PTPRO: variants seen among roughly 807,000 people sequenced by gnomAD.
PTPRO encodes receptor-type tyrosine-protein phosphatase O.
Under a neutral mutation model 145.2 loss-of-function variants are expected in PTPRO, and 62 were observed. The observed-to-expected ratio is 0.43, with a 90% CI of 0.35 to 0.53. The LOEUF (loss-of-function observed/expected upper bound fraction) is 0.53. PTPRO is among the 20% of genes least tolerant of loss of function. The pLI, the probability that PTPRO is intolerant of heterozygous loss-of-function variation, is 0.01. For synonymous variants in PTPRO, 565 were observed against 514.7 expected (o/e 1.10, Z -1.32); for missense variants, 1,345 against 1,482.7 (o/e 0.91, Z 1.53).
At chr12:15,570,513 A>G (rs2135610309) in intron 19 of PTPRO, among the ~76,000 whole-genome samples, 1 of 152,290 alleles carries the variant, frequency 6.6e-6, no homozygotes, top group Admixed American at 6.5e-5. Flanking sequence ...ATACATTACC[A>G]AATACAAAGA....
chr12:15,546,490 G>A (rs1385804647), intron 12 of PTPRO, 79 bp from the exon 13 acceptor site: 1 of 1,541,986 alleles, frequency 6.5e-7, no homozygotes, highest in Non-Finnish European at 8.8e-7. Flanking sequence ...ATTGGGGGAT[G>A]CTTCACCTGC....
chr12:15,562,869 C>T (rs1266116072), intron 17 of PTPRO, among the ~76,000 whole-genome samples: 1 of 151,794 alleles, frequency 6.6e-6, no homozygotes, highest in Non-Finnish European at 1.5e-5. Context: ...CTCAGCTTTA[C>T]TCCTGATGAT....
chr12:15,489,734 C>G (rs1350514982), intron 2 of PTPRO, among the ~76,000 whole-genome samples: 1 of 152,146 alleles, frequency 6.6e-6, no homozygotes. Flanking sequence ...TTTACCCAGT[C>G]CCTATTCATG....
At chr12:15,446,983 C>T (rs1940918085) in intron 1 of PTPRO, among the ~76,000 whole-genome samples, 1 of 152,114 alleles carries the variant, frequency 6.6e-6, no homozygotes, top group South Asian at 2.1e-4. Context: ...ATCATCTAGC[C>T]CCCTCCTCCC....
At chr12:15,580,923 A>G in intron 22 of PTPRO, 92 bp downstream of exon 22, 2 of 1,500,864 alleles carry the variant, frequency 1.3e-6, no homozygotes, top group Non-Finnish European at 9.1e-7. Flanking sequence ...AAAGTCAAAT[A>G]AAACATAGAG....
rs536412210 is a variant in PTPRO, at chr12:15,339,503, T to G, written c.75+16702T>G. 2.6e-5 allele frequency among the ~76,000 whole-genome samples: 4 copies of G among 152,326 alleles called. 1 individual carries two copies. The highest frequency in any genetic ancestry group is 9.6e-5 in the African/African-American group (4 of 41,592). ...ATTTTAGCTTTAATTGATTTTATAA[T>G]TCCAAATTTGCTGTTAAATGCAAAT... On this transcript the variant is annotated intron_variant, in intron 1 of 26. Coordinates refer to ENST00000281171, the MANE Select transcript of PTPRO (RefSeq NM_030667.3).
intron 6 of PTPRO, among the ~76,000 whole-genome samples, chr12:15,507,994 G>C (rs1401836678): frequency 6.6e-6 from 1 of 152,230 alleles, no homozygotes; most frequent in East Asian, 1.9e-4. Flanking sequence ...CTTCTGTGGA[G>C]ACATTTTATG....
chr12:15,414,488 G>A (rs13378053), intron 1 of PTPRO, among the ~76,000 whole-genome samples: 1 of 151,908 alleles, frequency 6.6e-6, no homozygotes, highest in African/African-American at 2.4e-5. Flanking sequence ...TTTCTCCCTT[G>A]CCCTAGCTTA....
rs566106570 is a variant in PTPRO at position 15,544,245 on chromosome 12, C to T, written c.2165-2324C>T. ...GGGGGTGGTGGCTCATGCCTATAAT[C>T]CCAGCTCCCAGCACTTTGGGAGGCA... On this transcript the variant is annotated intron_variant, in intron 12 of 26. Transcript: ENST00000281171. Among the ~76,000 whole-genome samples, 25 of 152,032 alleles carry T rather than the reference C, an allele frequency of 1.6e-4. 1 individual carries two copies. In the East Asian group the frequency reaches 4.3e-3, roughly 26 times the overall value.
intron 1 of PTPRO, among the ~76,000 whole-genome samples, chr12:15,481,582 G>A (rs891084068): frequency 2.0e-5 from 3 of 152,144 alleles, no homozygotes; most frequent in Non-Finnish European, 4.4e-5. Flanking sequence ...CTTAGCATAT[G>A]CCAGGTACTG....
chr12:15,533,721 A>T (rs900023497), intron 12 of PTPRO, among the ~76,000 whole-genome samples: 1 of 152,102 alleles, frequency 6.6e-6, no homozygotes, highest in Admixed American at 6.5e-5. Context: ...ATTCATTTTG[A>T]TATATATAGA....
chr12:15,555,235 C>T (rs538518117), intron 15 of PTPRO, among the ~76,000 whole-genome samples: 4 of 151,800 alleles, frequency 2.6e-5, no homozygotes, highest in African/African-American at 4.8e-5. Flanking sequence ...AGTGAAACTC[C>T]GTCTCAGGAA....
At chr12:15,384,354 AC>A (rs1241062040) in intron 1 of PTPRO, among the ~76,000 whole-genome samples, 11 of 152,134 alleles carry the variant, frequency 7.2e-5, no homozygotes, top group African/African-American at 2.4e-4. Context: ...GTTAGTTTGA[AC>A]TGCCATAACA....
intron 16 of PTPRO, among the ~76,000 whole-genome samples, chr12:15,559,598 G>T (rs189593453): frequency 8.9e-4 from 135 of 152,204 alleles, no homozygotes; most frequent in Non-Finnish European, 4.4e-4. Flanking sequence ...TTGAATGAAT[G>T]ATATCCTTGT....
At chr12:15,352,240 T>G (rs758445920) in intron 1 of PTPRO, among the ~76,000 whole-genome samples, 3 of 152,178 alleles carry the variant, frequency 2.0e-5, no homozygotes, top group Non-Finnish European at 4.4e-5. Flanking sequence ...CCCAAATTAT[T>G]TGATTGACAT....
chr12:15,527,044 G>T (rs1396335753), intron 12 of PTPRO, among the ~76,000 whole-genome samples: 1 of 151,948 alleles, frequency 6.6e-6, no homozygotes, highest in Non-Finnish European at 1.5e-5. Context: ...ATTAAAGTAG[G>T]GACAACACAC....
At chr12:15,466,436 G>A (rs970430236) in intron 1 of PTPRO, among the ~76,000 whole-genome samples, 63 of 152,130 alleles carry the variant, frequency 4.1e-4, no homozygotes, top group African/African-American at 1.5e-3. Context: ...TTAGCATGAT[G>A]TTGAGGTTTC....
intron 17 of PTPRO, among the ~76,000 whole-genome samples, chr12:15,560,710 G>C (rs771599396): frequency 4.6e-5 from 7 of 152,010 alleles, no homozygotes; most frequent in Non-Finnish European, 8.8e-5. Context: ...TGCTAACTCA[G>C]TGACTATTAA....
chr12:15,577,781 A>G (rs943437167), intron 19 of PTPRO, among the ~76,000 whole-genome samples: 2 of 152,204 alleles, frequency 1.3e-5, no homozygotes, highest in Non-Finnish European at 2.9e-5. Context: ...AACTAGATCC[A>G]CTGCATTGGT....
Sources: gnomAD v4.1 joint callset for allele counts (sites outside exome capture counted in the v4.1 genomes callset) on GRCh38, gnomAD v4.1.1 for gene constraint, MANE v1.5 for transcripts, NCBI Gene and HGNC (gene_info 2026-07-23, HGNC 2026-07-21) for gene names.